The following KCNIP4 variants were observed in gnomAD, a reference collection of about 807,000 sequenced individuals.
KCNIP4 encodes the protein potassium voltage-gated channel interacting protein 4.
Under a neutral mutation model 34.0 loss-of-function variants are expected in KCNIP4, and 12 were observed. The ratio of observed to expected loss-of-function variants is 0.35; its 90% CI spans 0.23 to 0.57. KCNIP4 has a LOEUF of 0.57. Ranked by LOEUF, KCNIP4 falls within the 20% of genes least tolerant of loss-of-function variation. KCNIP4 has a pLI of 0.83. For missense variants in KCNIP4, 238 were observed against 311.7 expected (o/e 0.76, Z 1.78); for synonymous variants, 124 against 102.2 (o/e 1.21, Z -1.29).
chr4:21,548,687 C>T (rs1338964181), intron 1 of KCNIP4, among the ~76,000 whole-genome samples: 4 of 151,564 alleles, frequency 2.6e-5, no homozygotes, highest in Non-Finnish European at 4.4e-5. Flanking sequence ...TTTAAAATTG[C>T]TTAGATCACA....
chr4:21,327,781 G>C (rs1053364054), intron 1 of KCNIP4, among the ~76,000 whole-genome samples: 1 of 151,708 alleles, frequency 6.6e-6, no homozygotes, highest in Admixed American at 6.6e-5. Context: ...TTTTCAAATA[G>C]TCTGTCTTCA....
chr4:20,986,183 C>T (rs781286462), intron 1 of KCNIP4, among the ~76,000 whole-genome samples: 2 of 152,158 alleles, frequency 1.3e-5, no homozygotes, highest in Non-Finnish European at 2.9e-5. Flanking sequence ...GCTCCAAGGT[C>T]TAGTTTCAGC....
chr4:21,490,123 A>T lies in KCNIP4; in HGVS notation c.61+458448T>A, dbSNP rs78089537. ...AAGTTATAAATTTTATGCATTTAAT[A>T]ATTTTTATACATTTAATAATTTTAA... is the stretch of plus-strand genomic sequence containing the variant. On this transcript the variant is annotated intron_variant, in intron 1 of 8. Transcript: ENST00000382152. 0.01 allele frequency among the ~76,000 whole-genome samples: 1,534 copies of T among 152,230 alleles called. 67 individuals are homozygous for T. The East Asian group carries it at 0.12, about 12-fold the overall frequency.
chr4:20,881,226 C>T (rs1724646918), intron 2 of KCNIP4, among the ~76,000 whole-genome samples: 1 of 152,162 alleles, frequency 6.6e-6, no homozygotes, highest in Admixed American at 6.5e-5. Context: ...AATTGCTATT[C>T]TATTCTGGGA....
intron 1 of KCNIP4, among the ~76,000 whole-genome samples, chr4:21,470,835 A>C (rs13104819): frequency 1.3e-5 from 2 of 150,860 alleles, no homozygotes; most frequent in Non-Finnish European, 3.0e-5. Flanking sequence ...AAAAAAAAAA[A>C]GTCCTCTTTG....
intron 1 of KCNIP4, among the ~76,000 whole-genome samples, chr4:21,259,924 C>A (rs143111815): frequency 6.8e-5 from 5 of 74,014 alleles, no homozygotes; most frequent in South Asian, 8.4e-4. Flanking sequence ...TGTGTGTGCA[C>A]GTGCGCTTAT....
chr4:21,839,884 G>C (rs925574), intron 1 of KCNIP4, among the ~76,000 whole-genome samples: 52,844 of 151,972 alleles, frequency 0.35, 10,952 homozygotes, highest in East Asian at 0.65. Context: ...CTGGTGTGTG[G>C]GTTATTATGC....
chr4:21,820,283 G>GTATATATATATATATATA (rs1288802050), intron 1 of KCNIP4, among the ~76,000 whole-genome samples: 4 of 127,504 alleles, frequency 3.1e-5, no homozygotes, highest in Admixed American at 7.8e-5. Context: ...ATGTGTGTGT[G>GTATATATATATATATATA]TGTATATATA....
At chr4:21,631,231 T>A (rs1745744105) in intron 1 of KCNIP4, among the ~76,000 whole-genome samples, 1 of 152,170 alleles carries the variant, frequency 6.6e-6, no homozygotes, top group African/African-American at 2.4e-5. Flanking sequence ...ACATGCTTCA[T>A]AATAAACACT....
At chr4:21,094,524 G>C (rs1747294356) in intron 1 of KCNIP4, among the ~76,000 whole-genome samples, 1 of 152,138 alleles carries the variant, frequency 6.6e-6, no homozygotes, top group South Asian at 2.1e-4. Context: ...TTTAGAGTGA[G>C]AACATTGTCA....
At chr4:21,134,326 C>A (rs1325365865) in intron 1 of KCNIP4, among the ~76,000 whole-genome samples, 2 of 152,112 alleles carry the variant, frequency 1.3e-5, no homozygotes, top group Non-Finnish European at 2.9e-5. Flanking sequence ...TTCTTTTAAT[C>A]TTTTTAATAA....
At chr4:21,237,007 GA>G (rs370053593) in intron 1 of KCNIP4, among the ~76,000 whole-genome samples, 4,732 of 135,864 alleles carry the variant, frequency 0.035, 70 homozygotes, top group Middle Eastern at 0.063. Flanking sequence ...CTCCATCATG[GA>G]AAAAAAAAAA....
chr4:20,957,421 G>A (rs1733424854), intron 1 of KCNIP4, among the ~76,000 whole-genome samples: 1 of 152,036 alleles, frequency 6.6e-6, no homozygotes, highest in South Asian at 2.1e-4. Context: ...GGAAACTAAG[G>A]TTCAGAGAGG....
intron 1 of KCNIP4, among the ~76,000 whole-genome samples, chr4:21,808,187 GGAATCT>G (rs1721417779): frequency 6.6e-6 from 1 of 152,108 alleles, no homozygotes; most frequent in Non-Finnish European, 1.5e-5. Context: ...ACATGGAATA[GGAATCT>G]GCTTTAGTCT....
At chr4:21,709,147 G>A (rs1713521241) in intron 1 of KCNIP4, among the ~76,000 whole-genome samples, 1 of 151,902 alleles carries the variant, frequency 6.6e-6, no homozygotes, top group Non-Finnish European at 1.5e-5. Flanking sequence ...AAACAATTGT[G>A]AGTCTGGGGT....
intron 1 of KCNIP4, among the ~76,000 whole-genome samples, chr4:20,900,378 A>C (rs887344582): frequency 2.6e-5 from 4 of 152,200 alleles, no homozygotes; most frequent in African/African-American, 9.6e-5. Flanking sequence ...GTAGATTACT[A>C]AGGCCACCCC....
intron 1 of KCNIP4, among the ~76,000 whole-genome samples, chr4:21,638,732 C>A (rs1308047804): frequency 1.3e-5 from 2 of 152,190 alleles, no homozygotes; most frequent in Non-Finnish European, 2.9e-5. Flanking sequence ...ATTAAAAATG[C>A]TCCATCTAGA....
chr4:21,631,642 A>G (rs1283897799), intron 1 of KCNIP4, among the ~76,000 whole-genome samples: 2 of 152,006 alleles, frequency 1.3e-5, no homozygotes, highest in Admixed American at 6.6e-5. Context: ...CTCTCAAAAC[A>G]CCTCCTCAAT....
rs1242465277 is a variant in KCNIP4, at chr4:21,860,376, C to T, written c.61+88195G>A. On this transcript the variant is annotated intron_variant, in intron 1 of 8. Coordinates refer to ENST00000382152, the MANE Select transcript of KCNIP4 (RefSeq NM_025221.6). Reference sequence around the variant, plus strand: ...CTCGAACTCCTGACCTCAAGTGATCCGCCTGCCTCAGCCTCCCAAAGTGCT... The same window carrying T: ...CTCGAACTCCTGACCTCAAGTGATCTGCCTGCCTCAGCCTCCCAAAGTGCT... Among the ~76,000 whole-genome samples, 11 of 152,160 alleles carry T rather than the reference C, an allele frequency of 7.2e-5. No homozygotes were observed. In the South Asian group the frequency reaches 1.0e-3, roughly 14 times the overall value.
Sources: gnomAD v4.1 joint callset for allele counts (sites outside exome capture counted in the v4.1 genomes callset) on GRCh38, gnomAD v4.1.1 for gene constraint, MANE v1.5 for transcripts, NCBI Gene and HGNC (gene_info 2026-07-23, HGNC 2026-07-21) for gene names.